The following SPIN1 variants were observed in gnomAD, a reference collection of about 807,000 sequenced individuals.
SPIN1 encodes the protein spindlin-1.
SPIN1 carries 3 observed loss-of-function variants against 26.0 expected under a neutral mutation model. That is an observed-to-expected ratio of 0.12 (90% confidence interval 0.05 to 0.30). The LOEUF (loss-of-function observed/expected upper bound fraction) is 0.30. SPIN1 is among the 10% of genes least tolerant of loss of function. SPIN1 has a pLI of 1.00. For synonymous variants in SPIN1, 101 were observed against 116.5 expected (o/e 0.87, Z 0.86); for missense variants, 126 against 333.4 (o/e 0.38, Z 4.84).
intron 2 of SPIN1, among the ~76,000 whole-genome samples, chr9:88,431,541 C>T (rs547568279): frequency 2.0e-5 from 3 of 152,256 alleles, no homozygotes; most frequent in East Asian, 1.9e-4. Flanking sequence ...CCACCCGCCT[C>T]GGCCTCCCAG....
At chr9:88,454,777 G>C (rs1435300023) in intron 3 of SPIN1, among the ~76,000 whole-genome samples, 2 of 152,196 alleles carry the variant, frequency 1.3e-5, no homozygotes, top group Admixed American at 1.3e-4. Flanking sequence ...TTAGTAGTGA[G>C]CACAGTCTAG....
intron 1 of SPIN1, among the ~76,000 whole-genome samples, chr9:88,389,178 C>T (rs1049692215): frequency 2.0e-5 from 3 of 152,182 alleles, no homozygotes. Flanking sequence ...CGCGCCCGCG[C>T]AGCCCCTTTC....
At chr9:88,472,650 G>A (rs574757921) in intron 5 of SPIN1, among the ~76,000 whole-genome samples, 10 of 152,134 alleles carry the variant, frequency 6.6e-5, no homozygotes, top group South Asian at 6.2e-4. Flanking sequence ...ACGCCACCAC[G>A]CCCATCTAAT....
intron 3 of SPIN1, among the ~76,000 whole-genome samples, chr9:88,457,286 T>C (rs370645271): frequency 1.3e-5 from 2 of 152,244 alleles, no homozygotes; most frequent in South Asian, 2.1e-4. Context: ...CCCAGCACTT[T>C]GGGAGACTGA....
At chr9:88,421,366 G>A (rs891928031) in intron 1 of SPIN1, among the ~76,000 whole-genome samples, 1 of 151,876 alleles carries the variant, frequency 6.6e-6, no homozygotes, top group Admixed American at 6.6e-5. Context: ...GCAGTGGCTC[G>A]ATCATGGCTC....
chr9:88,441,419 G>C (rs187628017), intron 2 of SPIN1, among the ~76,000 whole-genome samples: 4 of 149,200 alleles, frequency 2.7e-5, no homozygotes, highest in Non-Finnish European at 5.9e-5. Context: ...GTGTGTGCGC[G>C]CGCGCGCGCC....
At chr9:88,412,025 A>AT (rs1827459455) in intron 1 of SPIN1, among the ~76,000 whole-genome samples, 1 of 151,690 alleles carries the variant, frequency 6.6e-6, no homozygotes, top group African/African-American at 2.4e-5. Flanking sequence ...CAAAAAAAAA[A>AT]AAAAATAGCT....
intron 3 of SPIN1, among the ~76,000 whole-genome samples, chr9:88,449,380 G>A (rs74673558): frequency 0.019 from 2,941 of 152,194 alleles, 73 homozygotes; most frequent in African/African-American, 0.063. Context: ...GGCAGAGACC[G>A]TGTCTTAAGC....
In SPIN1 at chr9:88,475,478, T is replaced by G. The variant is rs1828871844; in HGVS notation, c.*201T>G. ...TTTGTGTAAGGAGAACCCCTTTCTT[T>G]TAAAAGAAGTCTGTCTATTTCGAGG... On this transcript the variant is annotated 3_prime_UTR_variant, in exon 6 of 6. Coordinates refer to ENST00000375859, the MANE Select transcript of SPIN1 (RefSeq NM_006717.3). The G allele has an allele frequency of 2.3e-6, 1 of 443,122 alleles. No individual in the cohort carries two copies. The allele number at this position is 443,122 out of a possible 1,614,324, so 27.4% of individuals were successfully genotyped here. A position where few individuals can be genotyped will look rare whatever the true frequency, so the allele number is the denominator to read the frequency against.
chr9:88,467,221 G>A (rs573281808), intron 4 of SPIN1, among the ~76,000 whole-genome samples: 5 of 152,166 alleles, frequency 3.3e-5, no homozygotes, highest in Non-Finnish European at 7.4e-5. Context: ...TAAGGGCTAG[G>A]ACCGTTAATC....
Position 88,467,854 on chromosome 9 carries a change from AAAAC to A in SPIN1, c.356-514_356-511del, listed in dbSNP as rs1167457794. Among the ~76,000 whole-genome samples the A allele has an allele frequency of 2.8e-3, 407 of 146,532 alleles. 7 individuals are homozygous for A. The South Asian group carries it at 0.039, about 14-fold the overall frequency. On this transcript the variant is annotated intron_variant, in intron 4 of 5. Coordinates refer to ENST00000375859, the MANE Select transcript of SPIN1 (RefSeq NM_006717.3). Reference sequence around the variant, plus strand: ...CAAACACCAATTTCTTTAAAAAAAAAAAACAAAAAAAAAACCCTCTGTGCCTTGA... The same window carrying A: ...CAAACACCAATTTCTTTAAAAAAAAAAAAAAAAAAACCCTCTGTGCCTTGA...
intron 1 of SPIN1, among the ~76,000 whole-genome samples, chr9:88,407,975 C>T (rs1827345151): frequency 6.6e-6 from 1 of 151,852 alleles, no homozygotes; most frequent in African/African-American, 2.4e-5. Flanking sequence ...CCATGTTGTC[C>T]AGGCTGGTCT....
chr9:88,468,774 G>A (rs969088676), intron 5 of SPIN1, among the ~76,000 whole-genome samples, 169 bp downstream of exon 5: 3 of 152,116 alleles, frequency 2.0e-5, no homozygotes, highest in Non-Finnish European at 2.9e-5. Flanking sequence ...TGTTATAAAT[G>A]TTAGATAAGA....
At chr9:88,413,065 GTTT>G (rs148350918) in intron 1 of SPIN1, among the ~76,000 whole-genome samples, 2 of 128,026 alleles carry the variant, frequency 1.6e-5, no homozygotes, top group Admixed American at 7.9e-5. Context: ...TTAAAATTAA[GTTT>G]TTTTTTTTTT....
chr9:88,458,556 A>C (rs1828518243), intron 3 of SPIN1, among the ~76,000 whole-genome samples: 1 of 152,168 alleles, frequency 6.6e-6, no homozygotes, highest in South Asian at 2.1e-4. Flanking sequence ...TTTACAGAGG[A>C]ATGCTGCTAA....
At chr9:88,395,119 T>C (rs1274580379) in intron 1 of SPIN1, among the ~76,000 whole-genome samples, 1 of 152,030 alleles carries the variant, frequency 6.6e-6, no homozygotes, top group Admixed American at 6.6e-5. Context: ...ATTTAATGTA[T>C]TTTTTAACAT....
At chr9:88,398,674 C>G (rs953513821) in intron 1 of SPIN1, among the ~76,000 whole-genome samples, 4 of 152,026 alleles carry the variant, frequency 2.6e-5, no homozygotes, top group African/African-American at 9.7e-5. Context: ...CTCGTGGGAT[C>G]AAGCAATTCT....
At chr9:88,462,350 T>G in intron 3 of SPIN1, 146 bp from the exon 4 acceptor site, 1 of 1,115,720 alleles carries the variant, frequency 9.0e-7, no homozygotes, top group Non-Finnish European at 1.3e-6. Flanking sequence ...CCACTTTGAG[T>G]CACCTGAAGC....
At chr9:88,396,493 T>G (rs1827062457) in intron 1 of SPIN1, among the ~76,000 whole-genome samples, 1 of 151,802 alleles carries the variant, frequency 6.6e-6, no homozygotes. Flanking sequence ...TCCCAGCTAC[T>G]CAGGAGGCTG....
Sources: allele counts gnomAD v4.1 joint callset (sites outside exome capture counted in the v4.1 genomes callset), GRCh38; gene constraint gnomAD v4.1.1; transcripts MANE v1.5; gene names NCBI Gene and HGNC (gene_info 2026-07-23, HGNC 2026-07-21).